DNAH9: variants seen among roughly 807,000 people sequenced by gnomAD.
DNAH9 encodes the protein dynein axonemal heavy chain 9, also known as DNAH9 variant protein.
A neutral mutation model predicts 471.6 loss-of-function variants in DNAH9; 345 were observed. That is an observed-to-expected ratio of 0.73 (90% CI 0.67 to 0.80). DNAH9 has a LOEUF of 0.80. Ranked by LOEUF, DNAH9 falls within the 30% of genes least tolerant of loss-of-function variation. The probability of loss-of-function intolerance (pLI) is 0.00; values close to 1 mark genes in which losing one functional copy is unlikely to be tolerated. For missense variants in DNAH9, 5,407 were observed against 5,609.2 expected, an observed-to-expected ratio of 0.96 and a Z score of 1.15; for synonymous variants, 2,093 against 2,123.6, an observed-to-expected ratio of 0.99 and a Z score of 0.40.
At chr17:11,930,482 T>C (rs142528924) in intron 63 of DNAH9, among the ~76,000 whole-genome samples, 2 of 152,260 alleles carry the variant, frequency 1.3e-5, no homozygotes, top group African/African-American at 4.8e-5. Flanking sequence ...TCACTTGACG[T>C]CTACATGAAT....
rs1161029560 is a variant in DNAH9, at chr17:11,795,677, A to G, written c.8224-1920A>G. 2.6e-5 allele frequency among the ~76,000 whole-genome samples: 4 copies of G among 152,302 alleles called. No individual in the cohort carries two copies. In the South Asian group the frequency reaches 6.2e-4, roughly 24 times the overall value. On this transcript the variant is annotated intron_variant, in intron 42 of 68. Coordinates refer to ENST00000262442, the MANE Select transcript of DNAH9 (RefSeq NM_001372.4). ...TCTCTGAGCATCATAGAGTTACCCA[A>G]TTCAGGTATTCATTGTTGGCCTGGC...
At chr17:11,914,469 A>G (rs1973877704) in intron 61 of DNAH9, among the ~76,000 whole-genome samples, 1 of 152,176 alleles carries the variant, frequency 6.6e-6, no homozygotes, top group African/African-American at 2.4e-5. Flanking sequence ...CTGTCTTTAT[A>G]TCCCATGTCT....
chr17:11,602,423 G>T (rs886373913), intron 1 of DNAH9, among the ~76,000 whole-genome samples: 2 of 152,138 alleles, frequency 1.3e-5, no homozygotes, highest in African/African-American at 4.8e-5. Context: ...CCTCCTGGAG[G>T]ACTCAGCTGC....
intron 61 of DNAH9, among the ~76,000 whole-genome samples, chr17:11,907,240 G>T (rs755481047): frequency 1.1e-4 from 17 of 152,206 alleles, no homozygotes; most frequent in African/African-American, 4.1e-4. Context: ...GGAGGCCAAG[G>T]CAGGTGGATT....
At chr17:11,801,287 C>A (rs1210533519) in intron 43 of DNAH9, among the ~76,000 whole-genome samples, 1 of 152,110 alleles carries the variant, frequency 6.6e-6, no homozygotes, top group African/African-American at 2.4e-5. Flanking sequence ...TTTGTATCCC[C>A]CTAATCTGAT....
At chr17:11,879,151 T>C (rs993009058) in intron 53 of DNAH9, among the ~76,000 whole-genome samples, 9 of 152,190 alleles carry the variant, frequency 5.9e-5, no homozygotes, top group Non-Finnish European at 1.2e-4. Context: ...TGTTTCCCAT[T>C]ACAAAAGTAA....
chr17:11,930,073 G>T lies in DNAH9; in HGVS notation c.12085G>T (p.Ala4029Ser), dbSNP rs760336388. Residue 4029 changes from alanine (A) to serine (S), a missense_variant, in exon 63 of 69, where the codon GCC (alanine) becomes TCC (serine). By Grantham distance (99) the Ala-to-Ser change is moderately conservative. Around this residue, in one of 3 missense-constraint regions of DNAH9, gnomAD observed 4,636 missense variants for 4,900.3 expected, o/e 0.95. Coordinates refer to ENST00000262442, the MANE Select transcript of DNAH9 (RefSeq NM_001372.4). Reference protein sequence around the residue: ...PTGMHANLHKALDNFTQDTLE... With the variant: ...PTGMHANLHKSLDNFTQDTLE... ...GGGCATGCATGCCAACCTGCACAAG[G>T]CCCTGGACAACTTCACTCAGGTACG... The T allele has an allele frequency of 6.2e-7, 1 of 1,613,970 alleles. No individual in the cohort carries two copies. Among genetic ancestry groups the T allele is most frequent in the South Asian group, 1.1e-5 (1 of 91,050 alleles).
chr17:11,852,820 A>ATATATATATATATG (rs1971473832), intron 49 of DNAH9, among the ~76,000 whole-genome samples: 1 of 36,502 alleles, frequency 2.7e-5, no homozygotes, highest in Non-Finnish European at 5.3e-5. Flanking sequence ...GTGTGTATAT[A>ATATATATATATATG]TATATATATA....
At chr17:11,884,492 G>T (rs764666468) in intron 56 of DNAH9, 1 of 451,756 alleles carries the variant, frequency 2.2e-6, no homozygotes, top group Non-Finnish European at 4.5e-6. Context: ...CTGTAACAGT[G>T]TCCAGGAACA....
Position 11,922,334 on chromosome 17 carries a change from G to T in DNAH9, c.11750-1480G>T, listed in dbSNP as rs537772202. ...TATGGATTTTTATTATTTCTTTTTC[G>T]ATTTCTCCCCTTTTGTCTACTTCAC... On this transcript the variant is annotated intron_variant, in intron 61 of 68. Transcript: ENST00000262442. Among the ~76,000 whole-genome samples the T allele has an allele frequency of 5.9e-5, 9 of 151,710 alleles. No homozygotes were observed. In the South Asian group the frequency reaches 6.3e-4, roughly 11 times the overall value.
At chr17:11,850,214 G>A (rs1004042230) in intron 49 of DNAH9, among the ~76,000 whole-genome samples, 49 of 152,296 alleles carry the variant, frequency 3.2e-4, no homozygotes, top group African/African-American at 8.9e-4. Context: ...GGAAGGAGAC[G>A]TCTGAGAAAA....
chr17:11,900,401 G>A (rs778491269), intron 59 of DNAH9, among the ~76,000 whole-genome samples: 53 of 149,786 alleles, frequency 3.5e-4, no homozygotes, highest in Admixed American at 1.1e-3. Flanking sequence ...TGTTCCTGTC[G>A]GTGGTAAGGC....
intron 23 of DNAH9, 41 bp downstream of exon 23, chr17:11,699,924 TC>T: frequency 6.3e-7 from 1 of 1,599,132 alleles, no homozygotes; most frequent in Non-Finnish European, 8.6e-7. Flanking sequence ...CTTTTCTCTC[TC>T]AAATGCCTTC....
chr17:11,939,680 C>T (rs1974833787), intron 66 of DNAH9, among the ~76,000 whole-genome samples: 2 of 152,204 alleles, frequency 1.3e-5, no homozygotes, highest in African/African-American at 4.8e-5. Flanking sequence ...AGGTTGTACA[C>T]TCCACATACA....
intron 31 of DNAH9, among the ~76,000 whole-genome samples, chr17:11,747,203 A>C (rs148580861): frequency 6.6e-6 from 1 of 152,106 alleles, no homozygotes; most frequent in Non-Finnish European, 1.5e-5. Context: ...CCTTATAAAT[A>C]CCTCTAAGAT....
intron 33 of DNAH9, among the ~76,000 whole-genome samples, chr17:11,753,862 G>A (rs549150036): frequency 6.6e-5 from 10 of 152,208 alleles, no homozygotes; most frequent in East Asian, 5.8e-4. Context: ...GGTTTGTTAC[G>A]TAGGCAAACT....
intron 3 of DNAH9, among the ~76,000 whole-genome samples, 163 bp downstream of exon 3, chr17:11,610,717 T>A (rs1246570530): frequency 1.3e-5 from 2 of 152,230 alleles, no homozygotes; most frequent in Non-Finnish European, 2.9e-5. Flanking sequence ...CAAGAGAGTT[T>A]TTTGATAGAC....
intron 45 of DNAH9, among the ~76,000 whole-genome samples, chr17:11,819,951 T>G (rs1970250715): frequency 6.6e-6 from 1 of 152,186 alleles, no homozygotes; most frequent in South Asian, 2.1e-4. Context: ...CTTAATTTTT[T>G]GCACGGTTTG....
intron 35 of DNAH9, among the ~76,000 whole-genome samples, chr17:11,759,044 C>G (rs562264204): frequency 6.0e-4 from 91 of 150,442 alleles, no homozygotes; most frequent in African/African-American, 2.1e-3. Flanking sequence ...AGTTAGAAAA[C>G]CAGAGAAGGG....
Sources: allele counts gnomAD v4.1 joint callset (sites outside exome capture counted in the v4.1 genomes callset), GRCh38; gene constraint gnomAD v4.1.1; regional missense constraint gnomAD v4.1.1; transcripts MANE v1.5; gene names NCBI Gene and HGNC (gene_info 2026-07-23, HGNC 2026-07-21).